EEA1: variants seen among roughly 807,000 people sequenced by gnomAD.
The protein encoded by EEA1 is early endosome antigen 1.
In EEA1, 111 loss-of-function variants were observed where a neutral mutation model predicts 209.2. The ratio of observed to expected loss-of-function variants is 0.53; its 90% CI spans 0.45 to 0.62. The LOEUF is 0.62. Ranked by LOEUF, EEA1 falls within the 20% of genes least tolerant of loss-of-function variation. EEA1 has a pLI of 0.00. For synonymous variants in EEA1, 536 were observed against 540.6 expected, an observed-to-expected ratio of 0.99 and a Z score of 0.12; for missense variants, 1,343 against 1,530.8, an observed-to-expected ratio of 0.88 and a Z score of 2.05.
intron 1 of EEA1, among the ~76,000 whole-genome samples, chr12:92,909,849 T>C (rs1467586260): frequency 6.6e-6 from 1 of 151,908 alleles, no homozygotes; most frequent in East Asian, 1.9e-4. Flanking sequence ...AGACCCCGCC[T>C]TAATAAATTT....
At chr12:92,911,185 G>A (rs1298239886) in intron 1 of EEA1, among the ~76,000 whole-genome samples, 1 of 152,164 alleles carries the variant, frequency 6.6e-6, no homozygotes, top group African/African-American at 2.4e-5. Flanking sequence ...CGTGGACATA[G>A]AAGTTTAAAG....
chr12:92,784,523 C>T (rs1053875340), intron 22 of EEA1, among the ~76,000 whole-genome samples: 17 of 152,170 alleles, frequency 1.1e-4, no homozygotes, highest in African/African-American at 4.1e-4. Flanking sequence ...TAACCTCTAA[C>T]CACAAGATTT....
At chr12:92,891,596 T>C (rs375248819) in intron 2 of EEA1, 33 bp downstream of exon 2, 4 of 1,484,540 alleles carry the variant, frequency 2.7e-6, no homozygotes, top group Non-Finnish European at 3.7e-6. Context: ...TCCCTTAATA[T>C]TGAATTTTAT....
chr12:92,782,650 A>C (rs184910639), intron 22 of EEA1, among the ~76,000 whole-genome samples: 55 of 152,340 alleles, frequency 3.6e-4, no homozygotes, highest in African/African-American at 1.3e-3. Flanking sequence ...GTTATGATAT[A>C]GTGGTTTTTG....
chr12:92,809,684 G>C (rs1875399053), intron 17 of EEA1, among the ~76,000 whole-genome samples: 2 of 147,448 alleles, frequency 1.4e-5, no homozygotes, highest in African/African-American at 5.0e-5. Context: ...AACAGAATGA[G>C]ACTCCATCTC....
chr12:92,869,790 G>GAAAAAAAAAAAAAAAAAAAAAAAAAAAAA (rs1230847458), intron 2 of EEA1, among the ~76,000 whole-genome samples: 1 of 69,056 alleles, frequency 1.4e-5, no homozygotes. Context: ...AAAAAAAAAG[G>GAAAAAAAAAAAAAAAAAAAAAAAAAAAAA]AAAGCCCTTA....
At chr12:92,923,008 G>A (rs914500981) in intron 1 of EEA1, among the ~76,000 whole-genome samples, 8 of 146,156 alleles carry the variant, frequency 5.5e-5, no homozygotes, top group African/African-American at 2.2e-4. Context: ...GATTACCTGG[G>A]AGAAATATTT....
At position 92,801,674 on chromosome 12, in the gene EEA1, G is replaced by T. The variant is rs771967520; in HGVS notation, c.2698C>A (p.Gln900Lys). 1 of 1,593,936 alleles carries T rather than the reference G, an allele frequency of 6.3e-7. No individual in the cohort carries two copies. Among genetic ancestry groups the T allele is most frequent in the African/African-American group, 1.4e-5 (1 of 73,854 alleles). The change falls in exon 20 of 29, where the codon CAA becomes AAA. Residue 900 changes from glutamine to lysine, a missense_variant. Around this residue, in one of 3 missense-constraint regions of EEA1, gnomAD observed 1,307 missense variants for 1,465.5 expected, o/e 0.89. Transcript: ENST00000322349. ...GTGTTTTCCATCTGCACTTGAAGTT[G>T]ATGCTTTAATTCTTTGCAAGTTTTT... ...LEKTCKELKH[Q>K]LQVQMENTLK...
chr12:92,908,153 G>A (rs1186876235), intron 1 of EEA1, among the ~76,000 whole-genome samples: 2 of 152,118 alleles, frequency 1.3e-5, no homozygotes, highest in South Asian at 4.1e-4. Context: ...GCCTTTAAAA[G>A]GAAGAAAATT....
chr12:92,836,194 T>A (rs1337507091), intron 10 of EEA1, among the ~76,000 whole-genome samples: 4 of 152,238 alleles, frequency 2.6e-5, no homozygotes, highest in African/African-American at 4.8e-5. Flanking sequence ...CTAAATCCAA[T>A]AAATTTTTCA....
Position 92,827,903 on chromosome 12 carries a change from C to T in EEA1, c.1404+9G>A. 6.5e-7 allele frequency: 1 copy of T among 1,537,156 alleles called. No homozygotes were observed. Among genetic ancestry groups the T allele is most frequent in the Non-Finnish European group, 8.7e-7 (1 of 1,147,580 alleles). The stretch of plus-strand genomic sequence containing the variant: ...CAAGCCTATCAATAAATTGAAAATG[C>T]TAGCTTACCTGCTCTTCTAACCGAG... On this transcript the variant is annotated intron_variant, in intron 12 of 28. Coordinates refer to ENST00000322349, the MANE Select transcript of EEA1 (RefSeq NM_003566.4).
At chr12:92,902,592 T>C (rs1198054572) in intron 1 of EEA1, among the ~76,000 whole-genome samples, 1 of 151,846 alleles carries the variant, frequency 6.6e-6, no homozygotes, top group Non-Finnish European at 1.5e-5. Flanking sequence ...AACACAAAAA[T>C]TAGCTGGGTG....
intron 1 of EEA1, among the ~76,000 whole-genome samples, chr12:92,914,161 A>G (rs560738585): frequency 6.7e-6 from 1 of 150,036 alleles, no homozygotes; most frequent in South Asian, 2.1e-4. Flanking sequence ...TCCCCTTACC[A>G]CTCACCCACC....
intron 9 of EEA1, among the ~76,000 whole-genome samples, chr12:92,849,508 T>C (rs1877521488): frequency 6.6e-6 from 1 of 152,218 alleles, no homozygotes; most frequent in Non-Finnish European, 1.5e-5. Context: ...TTAACTGGCT[T>C]CAGTAAGTTC....
Position 92,837,800 on chromosome 12 carries a change from A to G in EEA1, c.915+4665T>C, listed in dbSNP as rs139107894. Among the ~76,000 whole-genome samples the G allele has an allele frequency of 2.0e-3, 306 of 152,346 alleles. 3 individuals carry two copies. Among genetic ancestry groups the G allele is most frequent in the African/African-American group, 7.1e-3 (297 of 41,590 alleles). ...TTATATATTACAATGTTACCTATCC[A>G]CGTTGATACTACCTGTGACCCACAA... On this transcript the variant is annotated intron_variant, in intron 10 of 28. Coordinates refer to ENST00000322349, the MANE Select transcript of EEA1 (RefSeq NM_003566.4).
At chr12:92,876,781 A>G (rs910606607) in intron 2 of EEA1, among the ~76,000 whole-genome samples, 4 of 151,322 alleles carry the variant, frequency 2.6e-5, no homozygotes, top group Non-Finnish European at 4.4e-5. Context: ...AGTATCAAGA[A>G]GACTATGAGA....
At chr12:92,783,869 T>C (rs778244385) in intron 22 of EEA1, among the ~76,000 whole-genome samples, 11 of 151,874 alleles carry the variant, frequency 7.2e-5, no homozygotes, top group Non-Finnish European at 1.3e-4. Flanking sequence ...AAACGTAATT[T>C]AGCAAAGGAT....
At chr12:92,857,247 C>T (rs773353474) in intron 5 of EEA1, 28 bp downstream of exon 5, 1 of 1,511,616 alleles carries the variant, frequency 6.6e-7, no homozygotes, top group South Asian at 1.3e-5. Context: ...AACTAATAAA[C>T]ATGCTTTAAG....
At position 92,771,922 on chromosome 12, in the gene EEA1, T is replaced by C. The variant is rs1305567591; in HGVS notation, c.*4089A>G. On this transcript the variant is annotated 3_prime_UTR_variant, in exon 29 of 29. Transcript: ENST00000322349. ...AAACAGCTCAAGAATATGCTGTACA[T>C]AAACTGGAATTCTATAAAGCTCACA... 6.6e-6 allele frequency: 1 copy of C among 151,946 alleles called. No homozygotes were observed. The highest frequency in any genetic ancestry group is 1.5e-5 in the Non-Finnish European group (1 of 67,886). The allele number at this position is 151,946 out of a possible 1,614,324, so 9.4% of individuals were successfully genotyped here. A position where few individuals can be genotyped will look rare whatever the true frequency, so the allele number is the denominator to read the frequency against.
Sources: allele counts gnomAD v4.1 joint callset (sites outside exome capture counted in the v4.1 genomes callset), GRCh38; gene constraint gnomAD v4.1.1; regional missense constraint gnomAD v4.1.1; transcripts MANE v1.5; gene names NCBI Gene and HGNC (gene_info 2026-07-23, HGNC 2026-07-21).